Variants in GNB1L observed in about 807,000 individuals in gnomAD.
The protein encoded by GNB1L is G protein subunit beta 1 like.
Under a neutral mutation model 29.1 loss-of-function variants are expected in GNB1L, and 20 were observed. The observed-to-expected ratio is 0.69, with a 90% confidence interval of 0.48 to 1.00. The LOEUF (loss-of-function observed/expected upper bound fraction) is 1.00. Among genes scored for constraint, GNB1L ranks in the 50% least tolerant of loss-of-function variants. GNB1L has a pLI of 0.00. For missense variants in GNB1L, 421 were observed against 464.9 expected (o/e 0.91, Z 0.87); for synonymous variants, 193 against 206.5 (o/e 0.93, Z 0.56).
intron 4 of GNB1L, among the ~76,000 whole-genome samples, chr22:19,819,659 G>A (rs1303660105): frequency 6.6e-6 from 1 of 152,196 alleles, no homozygotes; most frequent in Non-Finnish European, 1.5e-5. Context: ...TAGAACAGTG[G>A]GGTCTGAATA....
chr22:19,850,998 G>A, intron 2 of GNB1L: 1 of 1,415,742 alleles, frequency 7.1e-7, no homozygotes, highest in Non-Finnish European at 9.2e-7. Flanking sequence ...CTGGAGTTGG[G>A]GGAGCTGGTT....
intron 4 of GNB1L, among the ~76,000 whole-genome samples, chr22:19,812,884 T>C (rs1378622436): frequency 6.6e-6 from 1 of 152,170 alleles, no homozygotes; most frequent in Non-Finnish European, 1.5e-5. Flanking sequence ...CATGACTAGA[T>C]GCTTATGAGG....
chr22:19,811,420 C>T (rs1937499211), intron 5 of GNB1L, among the ~76,000 whole-genome samples: 3 of 152,150 alleles, frequency 2.0e-5, no homozygotes, highest in Admixed American at 6.5e-5. Context: ...CTCGGGCCAC[C>T]ATGCCCCACT....
At chr22:19,828,938 T>C (rs1228615305) in intron 2 of GNB1L, among the ~76,000 whole-genome samples, 1 of 152,068 alleles carries the variant, frequency 6.6e-6, no homozygotes. Context: ...TTCAAGCAGT[T>C]CTTGTGCCTC....
rs116686751 is a variant in GNB1L at position 19,818,815 on chromosome 22, G to T, written c.254+1783C>A. ...TCAGGATTCCTGGGCTGGTGGCAGC[G>T]ATCCCCACACAGGGGCAGATGTCAC... is the stretch of plus-strand genomic sequence containing the variant. On this transcript the variant is annotated intron_variant, in intron 4 of 7. Coordinates refer to ENST00000329517, the MANE Select transcript of GNB1L (RefSeq NM_053004.3). 2.0e-5 allele frequency among the ~76,000 whole-genome samples: 3 copies of T among 152,234 alleles called. No individual in the cohort carries two copies. In the East Asian group the frequency reaches 5.8e-4, roughly 29 times the overall value.
intron 4 of GNB1L, among the ~76,000 whole-genome samples, chr22:19,819,734 C>T (rs1281482397): frequency 2.6e-5 from 4 of 152,172 alleles, no homozygotes; most frequent in African/African-American, 9.7e-5. Flanking sequence ...AAGTAATCCC[C>T]AAGTGATGCG....
At chr22:19,805,395 T>C (rs1207823548) in intron 6 of GNB1L, among the ~76,000 whole-genome samples, 1 of 152,168 alleles carries the variant, frequency 6.6e-6, no homozygotes, top group African/African-American at 2.4e-5. Flanking sequence ...GCCCATCCGG[T>C]CTCGCTCTCA....
At chr22:19,812,205 C>T (rs1347227367) in intron 5 of GNB1L, 80 bp downstream of exon 5, 125 of 1,451,314 alleles carry the variant, frequency 8.6e-5, no homozygotes, top group Non-Finnish European at 1.2e-4. Flanking sequence ...TGTGGGTAGG[C>T]GCAGGCGCCT....
chr22:19,807,594 C>G (rs1937450944), intron 5 of GNB1L, among the ~76,000 whole-genome samples: 3 of 152,222 alleles, frequency 2.0e-5, no homozygotes, highest in Non-Finnish European at 4.4e-5. Flanking sequence ...TTGGAATGAG[C>G]TACCGATAAC....
rs752732745 is a variant in GNB1L, at chr22:19,820,564, G to A, written c.254+34C>T. ...TCAGAGAGTTCCTGACTCCCCCGAA[G>A]GCCATACCTGGCTCCTGCACCTTGG... On this transcript the variant is annotated intron_variant, in intron 4 of 7. Transcript: ENST00000329517. 9.4e-6 allele frequency: 15 copies of A among 1,597,370 alleles called. No homozygotes were observed. In the African/African-American group the frequency reaches 1.5e-4, roughly 16 times the overall value.
chr22:19,793,647 T>TA (rs1289602309), intron 7 of GNB1L, among the ~76,000 whole-genome samples: 1 of 151,414 alleles, frequency 6.6e-6, no homozygotes. Context: ...AAACCACAGA[T>TA]AAAAAAAAAT....
intron 4 of GNB1L, among the ~76,000 whole-genome samples, chr22:19,817,296 C>G (rs890083517): frequency 6.6e-6 from 1 of 152,222 alleles, no homozygotes. Context: ...TCCTGGCCAA[C>G]ATGGTGAAAC....
At chr22:19,830,906 GGTATCTCACATCACTGGAACA>G (rs1261094681) in intron 2 of GNB1L, among the ~76,000 whole-genome samples, 12 of 151,990 alleles carry the variant, frequency 7.9e-5, no homozygotes, top group Non-Finnish European at 1.6e-4. Flanking sequence ...TAAAAGAGGT[GGTATCTCACATCACTGGAACA>G]AAAATGGTTA....
rs1041992856 is a variant in GNB1L, at chr22:19,831,669, C to T, written c.-20-10294G>A. ...TCACACCACTGCACTCCAGCCTGGG[C>T]GACAGAGTGAGACTCTGCCTCAAAA... is the stretch of plus-strand genomic sequence containing the variant. On this transcript the variant is annotated intron_variant, in intron 2 of 7. Coordinates refer to ENST00000329517, the MANE Select transcript of GNB1L (RefSeq NM_053004.3). Among the ~76,000 whole-genome samples the T allele has an allele frequency of 9.4e-5, 14 of 148,916 alleles. No homozygotes were observed. The South Asian group carries it at 1.1e-3, about 11-fold the overall frequency.
intron 6 of GNB1L, among the ~76,000 whole-genome samples, chr22:19,803,195 G>A (rs1937394928): frequency 6.6e-6 from 1 of 152,236 alleles, no homozygotes; most frequent in Non-Finnish European, 1.5e-5. Context: ...GACACTCACT[G>A]TGCCCTGCAG....
chr22:19,820,726 G>A lies in GNB1L; in HGVS notation c.129-3C>T, dbSNP rs1937571633. 1.2e-6 allele frequency: 2 copies of A among 1,608,542 alleles called. No individual in the cohort carries two copies. Among genetic ancestry groups the A allele is most frequent in the Admixed American group, 1.7e-5 (1 of 59,832 alleles). ...TGTGTACCAGGCCACTCTGAGACCTGTTTCAGACAAGCCGAGCAGGGTGTC... is the reference window on the plus strand; with the variant it reads ...TGTGTACCAGGCCACTCTGAGACCTATTTCAGACAAGCCGAGCAGGGTGTC... On this transcript the variant is annotated splice_polypyrimidine_tract_variant and splice_region_variant and intron_variant, in intron 3 of 7. Coordinates refer to ENST00000329517, the MANE Select transcript of GNB1L (RefSeq NM_053004.3).
intron 2 of GNB1L, among the ~76,000 whole-genome samples, chr22:19,845,344 C>A (rs955904313): frequency 1.3e-5 from 2 of 152,134 alleles, no homozygotes; most frequent in Non-Finnish European, 2.9e-5. Context: ...TCACTGAGGG[C>A]CCCCCCTATG....
chr22:19,787,755 C>T lies in GNB1L; in HGVS notation c.*954G>A, dbSNP rs1179855769. 1 of 152,356 alleles carries T rather than the reference C, an allele frequency of 6.6e-6. No homozygotes were observed. The highest frequency in any genetic ancestry group is 2.4e-5 in the African/African-American group (1 of 41,480). 9.4% of individuals were successfully genotyped at this position (152,356 alleles called of 1,614,324 possible). On this transcript the variant is annotated 3_prime_UTR_variant, in exon 8 of 8. Transcript: ENST00000329517. ...TCTGGATCTGCCCATGGGCCCCACT[C>T]CAATATTCAGGGTCATGGTTCTTTC...
chr22:19,809,514 G>A (rs1018460761), intron 5 of GNB1L, among the ~76,000 whole-genome samples: 6 of 152,208 alleles, frequency 3.9e-5, no homozygotes, highest in African/African-American at 1.4e-4. Context: ...TAAGGCAAGG[G>A]TCTAATTGAG....
Sources: allele counts gnomAD v4.1 joint callset (sites outside exome capture counted in the v4.1 genomes callset), GRCh38; gene constraint gnomAD v4.1.1; transcripts MANE v1.5; gene names NCBI Gene and HGNC (gene_info 2026-07-23, HGNC 2026-07-21).